The following GPRC5D variants were observed in gnomAD, a reference collection of about 807,000 sequenced individuals.
GPRC5D encodes the protein G protein-coupled receptor class C group 5 member D, also known as G protein-coupled receptor family C group 5 member D.
GPRC5D carries 20 observed loss-of-function variants against 29.3 expected under a neutral mutation model. The observed-to-expected ratio is 0.68, with a 90% CI of 0.48 to 0.99. GPRC5D has a LOEUF of 0.99. GPRC5D is among the 50% of genes least tolerant of loss of function. The pLI is 0.00. For missense variants in GPRC5D, 384 were observed against 423.6 expected, an observed-to-expected ratio of 0.91 and a Z score of 0.82; for synonymous variants, 178 against 171.3, an observed-to-expected ratio of 1.04 and a Z score of -0.30.
Position 12,949,745 on chromosome 12 carries a change from T to C in GPRC5D, c.640A>G (p.Ile214Val), listed in dbSNP as rs1565480399. The C allele has an allele frequency of 1.2e-5, 19 of 1,614,064 alleles. No homozygotes were observed. In the South Asian group the frequency reaches 1.2e-4, roughly 10 times the overall value. Residue 214 changes from isoleucine to valine, a missense_variant, in exon 1 of 3, where the codon ATC becomes GTC. Physicochemically the swap from Ile to Val is conservative, Grantham distance 29. Coordinates refer to ENST00000228887, the Ensembl canonical transcript of GPRC5D. ...GAGATCCACACCACCCAGATGATGA[T>C]GGAGAAGAGCACAGTGATAAAGATG...
intron 1 of GPRC5D, among the ~76,000 whole-genome samples, chr12:12,944,218 C>T (rs973902884): frequency 1.3e-5 from 2 of 152,234 alleles, no homozygotes; most frequent in Admixed American, 6.5e-5. Flanking sequence ...ATCCATCTCA[C>T]GGCCTCTTGA....
chr12:12,943,054 C>T (rs1863193641), intron 1 of GPRC5D, among the ~76,000 whole-genome samples: 1 of 152,200 alleles, frequency 6.6e-6, no homozygotes, highest in African/African-American at 2.4e-5. Flanking sequence ...ACCTTGGCCT[C>T]CCAAAGTGCT....
chr12:12,944,920 C>T (rs1374347046), intron 1 of GPRC5D, among the ~76,000 whole-genome samples: 1 of 107,436 alleles, frequency 9.3e-6, no homozygotes, highest in Non-Finnish European at 2.0e-5. Context: ...CCTTTCTTTC[C>T]CTTTCTTCCT....
At chr12:12,949,293 T>C (rs1024506259) in intron 1 of GPRC5D, among the ~76,000 whole-genome samples, 197 bp downstream of exon 2, 1 of 152,214 alleles carries the variant, frequency 6.6e-6, no homozygotes, top group African/African-American at 2.4e-5. Context: ...AGCTCTATGC[T>C]TTGGAAGAAC....
chr12:12,946,365 CTTTT>C (rs1863338447), intron 1 of GPRC5D, among the ~76,000 whole-genome samples: 2 of 129,510 alleles, frequency 1.5e-5, no homozygotes, highest in African/African-American at 2.9e-5. Flanking sequence ...TTCTTTCTTT[CTTTT>C]CTTTCTTTCT....
exon 1 of GPRC5D, chr12:12,949,706 C>A: frequency 6.2e-7 from 1 of 1,601,402 alleles, no homozygotes; most frequent in Non-Finnish European, 8.5e-7. Flanking sequence ...TGCGGGTTGC[C>A]TCTCAGGAGC....
Position 12,944,828 on chromosome 12 carries a change from TC to T in GPRC5D, c.896-2501del, listed in dbSNP as rs1195508424. ...TTCCTTCCTTCCTTCCTTCCTTCCTTCCTTCCTTCCTTCCTTCCTTCCTTCT... is the reference window on the plus strand; with the variant it reads ...TTCCTTCCTTCCTTCCTTCCTTCCTTCTTCCTTCCTTCCTTCCTTCCTTCT... On this transcript the variant is annotated intron_variant, in intron 1 of 2. Coordinates refer to ENST00000228887, the Ensembl canonical transcript of GPRC5D. Among the ~76,000 whole-genome samples, 81 of 21,806 alleles carry T rather than the reference TC, an allele frequency of 3.7e-3. 4 individuals carry two copies. Among genetic ancestry groups the T allele is most frequent in the African/African-American group, 6.8e-3 (74 of 10,844 alleles). 14.3% of individuals were successfully genotyped at this position (21,806 alleles called of 152,430 possible).
chr12:12,942,510 G>T (rs112807202), intron 1 of GPRC5D, among the ~76,000 whole-genome samples, 182 bp from the exon 3 acceptor site: 1 of 152,176 alleles, frequency 6.6e-6, no homozygotes, highest in Non-Finnish European at 1.5e-5. Context: ...CAAGACAGGC[G>T]GATCACTTGA....
chr12:12,950,050 G>A, exon 1 of GPRC5D: 3 of 1,613,994 alleles, frequency 1.9e-6, no homozygotes, highest in Non-Finnish European at 2.5e-6. Context: ...CACTAGATTG[G>A]AGGCATGAGC....
rs557143376 is a variant in GPRC5D at position 12,950,154 on chromosome 12, A to G, written c.231T>C (p.Ala77=). ...GATTGAGCTCGATGATGAAGGCAAA[A>G]GCGAGTCCGAAGAGCCCCAGGACAC... Residue 77 remains alanine, a synonymous_variant, in exon 1 of 3, where the codon GCT becomes GCC. Transcript: ENST00000228887. The G allele has an allele frequency of 4.8e-5, 77 of 1,614,122 alleles. 2 individuals are homozygous for G. In the South Asian group the frequency reaches 7.9e-4, roughly 17 times the overall value.
chr12:12,948,520 G>T (rs7294444), intron 1 of GPRC5D: 70,605 of 154,196 alleles, frequency 0.46, 18,615 homozygotes, highest in Non-Finnish European at 0.6. Context: ...TATGTGTGCT[G>T]TACAATATAT....
intron 1 of GPRC5D, among the ~76,000 whole-genome samples, chr12:12,946,271 CCTTCCTTCCTTCCTTCCTTT>C (rs145142420): frequency 0.12 from 15,084 of 123,966 alleles, 1,497 homozygotes; most frequent in South Asian, 0.14. Flanking sequence ...TTCCTTTCTT[CCTTCCTTCCTTCCTTCCTTT>C]CTTCCTTCCT....
intron 1 of GPRC5D, among the ~76,000 whole-genome samples, chr12:12,947,836 G>A (rs534005037): frequency 1.3e-5 from 2 of 152,276 alleles, no homozygotes; most frequent in Non-Finnish European, 2.9e-5. Context: ...GGGATTACAG[G>A]TGTGAGCCAC....
At chr12:12,943,139 T>C (rs962763158) in intron 1 of GPRC5D, among the ~76,000 whole-genome samples, 1 of 152,192 alleles carries the variant, frequency 6.6e-6, no homozygotes, top group African/African-American at 2.4e-5. Flanking sequence ...AGAGATCACT[T>C]GAGACGATTC....
At position 12,950,077 on chromosome 12, in the gene GPRC5D, CAGAG is replaced by C. The variant is rs1450652390; in HGVS notation, c.304_307del (p.Leu102ValfsTer6). On this transcript the variant is annotated frameshift_variant, in exon 1 of 3. Transcript: ENST00000228887. LOFTEE classifies it high-confidence loss of function. ...GGCATGAGCTAAGAGGCATGAGAAA[CAGAG>C]AGCAAAGAGAACCCCAAAGAGAAAG... 1.9e-5 allele frequency: 30 copies of C among 1,613,920 alleles called. No homozygotes were observed. The highest frequency in any genetic ancestry group is 2.2e-5 in the Non-Finnish European group (26 of 1,179,970).
upstream of GPRC5D, chr12:12,950,487 G>T: frequency 1.3e-6 from 1 of 798,686 alleles, no homozygotes; most frequent in Non-Finnish European, 2.0e-6. Flanking sequence ...TGGTGCAAAA[G>T]TAATTGTGCT....
At chr12:12,944,534 GT>G (rs1382762821) in intron 1 of GPRC5D, 1 of 151,686 alleles carries the variant, frequency 6.6e-6, no homozygotes, top group African/African-American at 2.4e-5. Context: ...TTCAGCAAAA[GT>G]TGGAGTTTGC....
exon 3 of GPRC5D, chr12:12,940,843 C>T: frequency 3.8e-6 from 6 of 1,594,616 alleles, no homozygotes; most frequent in Non-Finnish European, 5.2e-6. Flanking sequence ...TGTGTGGGAT[C>T]AACAGTCTGG....
intron 1 of GPRC5D, among the ~76,000 whole-genome samples, chr12:12,946,366 TTTTC>T (rs1334702463): frequency 1.3e-3 from 184 of 141,506 alleles, no homozygotes; most frequent in South Asian, 2.7e-3. Flanking sequence ...TCTTTCTTTC[TTTTC>T]TTTCTTTCTT....
Sources: allele counts gnomAD v4.1 joint callset (sites outside exome capture counted in the v4.1 genomes callset), GRCh38; gene constraint gnomAD v4.1.1; transcripts MANE v1.5; gene names NCBI Gene and HGNC (gene_info 2026-07-23, HGNC 2026-07-21).